UGGT2: variants seen among roughly 807,000 people sequenced by gnomAD.
UGGT2 encodes UDP-glucose:glycoprotein glucosyltransferase 2.
UGGT2 carries 180 observed loss-of-function variants against 192.1 expected under a neutral mutation model. The observed-to-expected ratio is 0.94, with a 90% CI of 0.83 to 1.06. The LOEUF (loss-of-function observed/expected upper bound fraction) is 1.06, where lower values mean the gene tolerates loss of function less well. UGGT2 is among the 50% of genes least tolerant of loss of function. UGGT2 has a pLI of 0.00. For synonymous variants in UGGT2, 580 were observed against 591.0 expected, an observed-to-expected ratio of 0.98 and a Z score of 0.27; for missense variants, 1,849 against 1,795.7, an observed-to-expected ratio of 1.03 and a Z score of -0.54.
chr13:95,863,160 G>A (rs1406812738), intron 31 of UGGT2, among the ~76,000 whole-genome samples: 1 of 152,116 alleles, frequency 6.6e-6, no homozygotes, highest in Admixed American at 6.6e-5. Flanking sequence ...ACCATGCCTG[G>A]CCTGTGTTCC....
At chr13:96,026,659 C>CTTTTTTTTTT (rs71211702) in intron 2 of UGGT2, among the ~76,000 whole-genome samples, 1 of 101,534 alleles carries the variant, frequency 9.8e-6, no homozygotes, top group Non-Finnish European at 1.9e-5. Context: ...TTTCACTCTT[C>CTTTTTTTTTT]TTTTTTTTTT....
chr13:95,880,572 C>A (rs1287399788), intron 27 of UGGT2, among the ~76,000 whole-genome samples: 1 of 152,162 alleles, frequency 6.6e-6, no homozygotes, highest in Non-Finnish European at 1.5e-5. Flanking sequence ...CTTCCTTTAT[C>A]TGTGGTTTCT....
chr13:95,881,491 G>GAACA (rs1302070067), intron 27 of UGGT2, among the ~76,000 whole-genome samples: 1 of 152,110 alleles, frequency 6.6e-6, no homozygotes, highest in African/African-American at 2.4e-5. Context: ...AGCCTAAGAT[G>GAACA]AACAGTGTTC....
At chr13:95,964,195 G>T (rs2050493229) in intron 12 of UGGT2, among the ~76,000 whole-genome samples, 1 of 152,200 alleles carries the variant, frequency 6.6e-6, no homozygotes, top group Non-Finnish European at 1.5e-5. Flanking sequence ...TTTGATAAAG[G>T]TGCCAAGAAC....
In UGGT2 at chr13:96,052,904, A is replaced by T. The variant is rs2053527239; in HGVS notation, c.158+251T>A. ...CTAATACATCCCAACGTATTAAAGCAGGGCAGGGAAGCTTTAAAAATCGTA... is the reference window on the plus strand; with the variant it reads ...CTAATACATCCCAACGTATTAAAGCTGGGCAGGGAAGCTTTAAAAATCGTA... On this transcript the variant is annotated intron_variant, in intron 1 of 38. Transcript: ENST00000376747. 2.0e-5 allele frequency among the ~76,000 whole-genome samples: 3 copies of T among 152,260 alleles called. No individual in the cohort carries two copies. The South Asian group carries it at 6.2e-4, about 32-fold the overall frequency.
chr13:95,945,712 C>G (rs988750550), intron 15 of UGGT2, among the ~76,000 whole-genome samples: 1 of 151,848 alleles, frequency 6.6e-6, no homozygotes, highest in African/African-American at 2.4e-5. Context: ...AGATGTAACT[C>G]AAATTGACTA....
intron 36 of UGGT2, among the ~76,000 whole-genome samples, chr13:95,847,322 G>A (rs1227964012): frequency 1.3e-5 from 2 of 151,938 alleles, no homozygotes; most frequent in Non-Finnish European, 2.9e-5. Context: ...CTCATTCAAA[G>A]TCTACAGTTT....
At chr13:95,812,421 G>A (rs1884629715) in intron 38 of UGGT2, among the ~76,000 whole-genome samples, 1 of 152,252 alleles carries the variant, frequency 6.6e-6, no homozygotes, top group Middle Eastern at 3.4e-3. Flanking sequence ...TATGCTCTCT[G>A]CAAGAAACCC....
intron 12 of UGGT2, among the ~76,000 whole-genome samples, chr13:95,958,849 G>T (rs2050296290): frequency 1.3e-5 from 2 of 148,306 alleles, no homozygotes; most frequent in South Asian, 2.1e-4. Flanking sequence ...CAAGGAAAGT[G>T]TAAGTGAGAG....
rs533900258 is a variant in UGGT2 at position 95,868,408 on chromosome 13, C to T, written c.3474-985G>A. ...TCTAGGAGTTTGAGACCAGCCTGGG[C>T]AACAGTGAGACCTCGTCTCTGCAAA... On this transcript the variant is annotated intron_variant, in intron 29 of 38. Transcript: ENST00000376747. 3.2e-3 allele frequency among the ~76,000 whole-genome samples: 420 copies of T among 132,066 alleles called. 2 individuals are homozygous for T. The highest frequency in any genetic ancestry group is 0.011 in the African/African-American group (399 of 37,120). 86.6% of individuals were successfully genotyped at this position (132,066 alleles called of 152,430 possible). A position where few individuals can be genotyped will look rare whatever the true frequency, so the allele number is the denominator to read the frequency against.
chr13:96,049,719 C>T (rs149706124), intron 1 of UGGT2, among the ~76,000 whole-genome samples: 1,628 of 152,230 alleles, frequency 0.011, 34 homozygotes, highest in African/African-American at 0.037. Flanking sequence ...TGAGTGAACT[C>T]CCATTCACAA....
intron 5 of UGGT2, among the ~76,000 whole-genome samples, chr13:96,010,581 G>A (rs991210254): frequency 2.0e-5 from 3 of 151,840 alleles, no homozygotes; most frequent in Admixed American, 6.6e-5. Context: ...AAAAATAAAT[G>A]GCATATAGGT....
chr13:96,033,636 G>A (rs1455000696), intron 1 of UGGT2, among the ~76,000 whole-genome samples: 2 of 152,166 alleles, frequency 1.3e-5, no homozygotes, highest in African/African-American at 4.8e-5. Context: ...CTGCTTCCTG[G>A]CCTCTTCTCT....
At chr13:96,001,847 A>G (rs2051816330) in intron 5 of UGGT2, among the ~76,000 whole-genome samples, 1 of 152,186 alleles carries the variant, frequency 6.6e-6, no homozygotes, top group Non-Finnish European at 1.5e-5. Flanking sequence ...CAACATGACT[A>G]TGAGGATAAA....
At chr13:95,918,838 A>T (rs935816715) in intron 20 of UGGT2, among the ~76,000 whole-genome samples, 1 of 152,124 alleles carries the variant, frequency 6.6e-6, no homozygotes, top group Non-Finnish European at 1.5e-5. Flanking sequence ...TATTCCACAA[A>T]ACTGAAGAGG....
chr13:95,919,918 C>T (rs2048795179), intron 20 of UGGT2, among the ~76,000 whole-genome samples: 1 of 152,020 alleles, frequency 6.6e-6, no homozygotes, highest in Non-Finnish European at 1.5e-5. Flanking sequence ...GAAAAAAGAA[C>T]AAAGCTGGAG....
chr13:95,823,461 A>C (rs1374605660), intron 38 of UGGT2, among the ~76,000 whole-genome samples: 1 of 152,054 alleles, frequency 6.6e-6, no homozygotes, highest in African/African-American at 2.4e-5. Context: ...AGGTGCATAT[A>C]AATTTAGTAT....
At chr13:96,019,120 A>G (rs2052433024) in intron 4 of UGGT2, among the ~76,000 whole-genome samples, 1 of 1,142 alleles carries the variant, frequency 8.8e-4, no homozygotes, top group African/African-American at 3.3e-3. Flanking sequence ...TGCCCTACAT[A>G]GCGGGGGGGG....
chr13:95,884,781 C>A, intron 26 of UGGT2, 101 bp from the exon 27 acceptor site: 1 of 1,175,196 alleles, frequency 8.5e-7, no homozygotes, highest in South Asian at 1.8e-5. Flanking sequence ...GACCAGAAGT[C>A]TACAATCAAA....
Sources: gnomAD v4.1 joint callset for allele counts (sites outside exome capture counted in the v4.1 genomes callset) on GRCh38, gnomAD v4.1.1 for gene constraint, MANE v1.5 for transcripts, NCBI Gene and HGNC (gene_info 2026-07-23, HGNC 2026-07-21) for gene names.